The following SPAG8 variants were observed in gnomAD, a reference collection of about 807,000 sequenced individuals.
SPAG8 encodes sperm-associated antigen 8.
A neutral mutation model predicts 45.3 loss-of-function variants in SPAG8; 36 were observed. The ratio of observed to expected loss-of-function variants is 0.80; its 90% CI spans 0.61 to 1.05. The LOEUF (loss-of-function observed/expected upper bound fraction) is 1.05, where lower values mean the gene tolerates loss of function less well. Among genes scored for constraint, SPAG8 ranks in the 50% least tolerant of loss-of-function variants. The pLI, the probability that SPAG8 is intolerant of heterozygous loss-of-function variation, is 0.00. For synonymous variants in SPAG8, 227 were observed against 232.6 expected (o/e 0.98, Z 0.22); for missense variants, 573 against 609.2 (o/e 0.94, Z 0.63).
downstream of SPAG8, chr9:35,808,367 CCATGG>C (rs1828536976): frequency 7.1e-7 from 1 of 1,412,748 alleles, no homozygotes; most frequent in Non-Finnish European, 1.0e-6. The surrounding 1 kb of genome is among the most constrained non-coding windows in gnomAD (Gnocchi z 4.0). Flanking sequence ...AGACTCAGGA[CCATGG>C]CACTTATTTT....
chr9:35,811,880 A>ATGCAGCCGCTGCAGCTGC lies in SPAG8; in HGVS notation c.148_165dup (p.Ala50_Ala55dup), dbSNP rs1588082063. ...AAGGCTGCAGTAGCTGCAGCAGCTG[A>ATGCAGCCGCTGCAGCTGC]TGCAGCCGCTGCAGCTGCTGCGGTT... On this transcript the variant is annotated inframe_insertion, in exon 2 of 7. Transcript: ENST00000396638. 1.2e-6 allele frequency: 2 copies of ATGCAGCCGCTGCAGCTGC among 1,607,854 alleles called. No individual in the cohort carries two copies. Among genetic ancestry groups the ATGCAGCCGCTGCAGCTGC allele is most frequent in the Non-Finnish European group, 1.7e-6 (2 of 1,175,464 alleles).
chr9:35,812,197 G>C lies in SPAG8; in HGVS notation c.-50C>G. 1 of 1,590,642 alleles carries C rather than the reference G, an allele frequency of 6.3e-7. No homozygotes were observed. The highest frequency in any genetic ancestry group is 1.1e-5 in the South Asian group (1 of 90,058). On this transcript the variant is annotated 5_prime_UTR_variant, in exon 1 of 7. Coordinates refer to ENST00000396638, the MANE Select transcript of SPAG8 (RefSeq NM_001039592.2). Reference sequence around the variant, plus strand: ...CCATAGAGACAGCAAACAACTCCTGGAGCCTGCGCAGAAGTACAGCTGGGC... The same window carrying C: ...CCATAGAGACAGCAAACAACTCCTGCAGCCTGCGCAGAAGTACAGCTGGGC...
At chr9:35,809,177 C>G (rs866959603), downstream of SPAG8, 1 of 1,614,054 alleles carries the variant, frequency 6.2e-7, no homozygotes, top group Middle Eastern at 1.7e-4. This position sits in a 1 kb window ranked among gnomAD's most constrained non-coding sequence, Gnocchi z 4.1. Flanking sequence ...CATGTCTCCT[C>G]TACCACCAAG....
chr9:35,808,422 A>G (rs569978848), downstream of SPAG8: 2 of 1,468,174 alleles, frequency 1.4e-6, no homozygotes, highest in Non-Finnish European at 1.9e-6. This position sits in a 1 kb window ranked among gnomAD's most constrained non-coding sequence, Gnocchi z 4.0. Flanking sequence ...AGGATGATTA[A>G]TGATGGTGTC....
chr9:35,808,375 C>T, downstream of SPAG8: 2 of 1,408,444 alleles, frequency 1.4e-6, no homozygotes, highest in Non-Finnish European at 2.0e-6. This position sits in a 1 kb window ranked among gnomAD's most constrained non-coding sequence, Gnocchi z 4.0. Flanking sequence ...GACCATGGCA[C>T]TTATTTTCTA....
At chr9:35,809,182 A>G, downstream of SPAG8, 1 of 1,613,792 alleles carries the variant, frequency 6.2e-7, no homozygotes, top group Non-Finnish European at 8.5e-7. This position sits in a 1 kb window ranked among gnomAD's most constrained non-coding sequence, Gnocchi z 4.1. Flanking sequence ...CTCCTCTACC[A>G]CCAAGGATGC....
In SPAG8 at chr9:35,811,520, C is replaced by A. The variant is rs1563998480; in HGVS notation, c.526G>T (p.Gly176Cys). 2 of 1,605,968 alleles carry A rather than the reference C, an allele frequency of 1.2e-6. No homozygotes were observed. The highest frequency in any genetic ancestry group is 1.7e-6 in the Non-Finnish European group (2 of 1,175,404). Residue 176 changes from glycine to cysteine, a missense_variant, in exon 2 of 7, where the codon GGT becomes TGT. By Grantham distance (159) the Gly-to-Cys change is radical. Coordinates refer to ENST00000396638, the MANE Select transcript of SPAG8 (RefSeq NM_001039592.2). Reference protein sequence around the residue: ...GSVPGSGSGPGPGSGPGSGPG... With the variant: ...GSVPGSGSGPCPGSGPGSGPG... ...CCAGAGCCAGGACCAGAGCCAGGAC[C>A]AGGACCAGAGCCAGAGCCAGGGACA...
Position 35,811,818 on chromosome 9 carries a change from G to A in SPAG8, c.228C>T (p.Thr76=). Residue 76 remains threonine, a synonymous_variant, in exon 2 of 7, where the codon ACC becomes ACT. Transcript: ENST00000396638. The part of the protein sequence containing the change: ...TAKAAALSTK[T]PAPCSEFMEP... ...CCATGAACTCAGAACAGGGCGCTGG[G>A]GTCTTTGTAGATAATGCAGCTGCTT... is the stretch of plus-strand genomic sequence containing the variant. 1 of 1,612,852 alleles carries A rather than the reference G, an allele frequency of 6.2e-7. No individual in the cohort carries two copies. The highest frequency in any genetic ancestry group is 8.5e-7 in the Non-Finnish European group (1 of 1,178,942).
downstream of SPAG8, chr9:35,809,718 A>T (rs1563995487): frequency 1.6e-6 from 2 of 1,279,920 alleles, no homozygotes; most frequent in Non-Finnish European, 1.1e-6. This position sits in a 1 kb window ranked among gnomAD's most constrained non-coding sequence, Gnocchi z 4.1. Context: ...ATAATAAAAA[A>T]AGTTCTGATG....
At chr9:35,809,340 C>T (rs771964692), downstream of SPAG8, 30 of 1,612,640 alleles carry the variant, frequency 1.9e-5, no homozygotes, top group Non-Finnish European at 2.0e-5. The surrounding 1 kb of genome is among the most constrained non-coding windows in gnomAD (Gnocchi z 4.1). Context: ...AAGGGACTAA[C>T]ATCGAAGCAT....
chr9:35,811,568 C>T lies in SPAG8; in HGVS notation c.478G>A (p.Gly160Ser), dbSNP rs1481803220. 2 of 1,613,014 alleles carry T rather than the reference C, an allele frequency of 1.2e-6. No individual in the cohort carries two copies. The highest frequency in any genetic ancestry group is 3.3e-5 in the Admixed American group (2 of 59,852). ...ACAGAGCCACAGCCAGGACCAGAGC[C>T]AGAGCCAGAGCCATGGCCAGCACCT... ...SSGAGHGSGSGSGPGCGSVPG... is the reference protein window; with the variant it reads ...SSGAGHGSGSSSGPGCGSVPG... The change falls in exon 2 of 7, where the codon GGC becomes AGC. Residue 160 changes from glycine (G) to serine (S), a missense_variant. Coordinates refer to ENST00000396638, the MANE Select transcript of SPAG8 (RefSeq NM_001039592.2).
At chr9:35,809,770 G>T, downstream of SPAG8, 1 of 1,529,326 alleles carries the variant, frequency 6.5e-7, no homozygotes, top group Non-Finnish European at 8.9e-7. This position sits in a 1 kb window ranked among gnomAD's most constrained non-coding sequence, Gnocchi z 4.1. Context: ...AAGGTTATGG[G>T]GTATGCACAC....
chr9:35,808,139 G>T, downstream of SPAG8: 1 of 1,504,148 alleles, frequency 6.6e-7, no homozygotes, highest in Non-Finnish European at 9.3e-7. The surrounding 1 kb of genome is among the most constrained non-coding windows in gnomAD (Gnocchi z 4.0). Flanking sequence ...AGTTTGGGCT[G>T]TCAGGTCCAT....
chr9:35,811,797 GA>G lies in SPAG8; in HGVS notation c.248del (p.Phe83SerfsTer24), dbSNP rs1182915445. ...GGCTGGGGTCAGAGGACGGCTCCAT[GA>G]ACTCAGAACAGGGCGCTGGGGTCTT... ...STKTPAPCSE[F>X]MEPSSDPSLL... On this transcript the variant is annotated frameshift_variant, in exon 2 of 7. Coordinates refer to ENST00000396638, the MANE Select transcript of SPAG8 (RefSeq NM_001039592.2). LOFTEE classifies it high-confidence loss of function. 3 of 1,613,966 alleles carry G rather than the reference GA, an allele frequency of 1.9e-6. No individual in the cohort carries two copies. Among genetic ancestry groups the G allele is most frequent in the African/African-American group, 2.7e-5 (2 of 74,936 alleles).
In SPAG8 at chr9:35,812,101, CACCGCG is replaced by C; in HGVS notation, c.41_44+2del. ...TGCCTGCAGCCAGAGCTGCGGCTCT[CACCGCG>C]ACCGCGACCGCGATCCCTCCGTAGA... On this transcript the variant is annotated splice_donor_variant and coding_sequence_variant, in exon 1 of 7. Transcript: ENST00000396638. LOFTEE classifies it high-confidence loss of function. 7,897 of 1,610,840 alleles carry C rather than the reference CACCGCG, an allele frequency of 4.9e-3. 190 individuals carry two copies. In the East Asian group the frequency reaches 0.075, roughly 15 times the overall value.
chr9:35,809,724 T>C, downstream of SPAG8: 3 of 1,304,670 alleles, frequency 2.3e-6, no homozygotes, highest in African/African-American at 2.9e-5. The surrounding 1 kb of genome is among the most constrained non-coding windows in gnomAD (Gnocchi z 4.1). Flanking sequence ...AAAAAAGTTC[T>C]GATGTCATAG....
In SPAG8 at chr9:35,811,188, C is replaced by T. The variant is rs1196266208; in HGVS notation, c.858G>A (p.Glu286=). The part of the protein sequence containing the change: ...PRGQCLLYNW[E]EERATNHLDQ... ...CAGGCCAAAACTTTAATACCTCTTC[C>T]TCCCAGTTGTAGAGGAGGCACTGGC... The change falls in exon 2 of 7, where the codon GAG becomes GAA. Residue 286 remains glutamate, a synonymous_variant. Coordinates refer to ENST00000396638, the MANE Select transcript of SPAG8 (RefSeq NM_001039592.2). 3 of 1,563,456 alleles carry T rather than the reference C, an allele frequency of 1.9e-6. No individual in the cohort carries two copies. The highest frequency in any genetic ancestry group is 2.6e-6 in the Non-Finnish European group (3 of 1,155,426).
At chr9:35,811,099 A>T in intron 2 of SPAG8, 42 bp from the exon 3 acceptor site, 2 of 1,589,750 alleles carry the variant, frequency 1.3e-6, no homozygotes, top group Non-Finnish European at 1.7e-6. Context: ...CCCTTCTGGT[A>T]CCCACCCTCA....
chr9:35,809,860 G>T lies in SPAG8; in HGVS notation c.*78C>A. ...TGTAAAGCCTCTTCAAGTACAGTGA[G>T]AATTAACTTCCTCCCGACCTCTCTA... On this transcript the variant is annotated 3_prime_UTR_variant, in exon 7 of 7. Coordinates refer to ENST00000396638, the MANE Select transcript of SPAG8 (RefSeq NM_001039592.2). The surrounding 1 kb of genome is among the most constrained non-coding windows in gnomAD (Gnocchi z 4.1). 6.5e-7 allele frequency: 1 copy of T among 1,533,734 alleles called. No individual in the cohort carries two copies. Among genetic ancestry groups the T allele is most frequent in the Non-Finnish European group, 8.7e-7 (1 of 1,146,832 alleles).
Sources: allele counts gnomAD v4.1 joint callset, GRCh38; gene constraint gnomAD v4.1.1; non-coding constraint Gnocchi (gnomAD v3.1); transcripts MANE v1.5; gene names NCBI Gene and HGNC (gene_info 2026-07-23, HGNC 2026-07-21).